The following RYR1 variants were observed in gnomAD, a reference collection of about 807,000 sequenced individuals.
RYR1 encodes the protein ryanodine receptor 1.
In RYR1, 342 loss-of-function variants were observed where a neutral mutation model predicts 583.5. The ratio of observed to expected loss-of-function variants is 0.59; its 90% CI spans 0.54 to 0.64. The LOEUF (loss-of-function observed/expected upper bound fraction) is 0.64, where lower values mean the gene tolerates loss of function less well. RYR1 is among the 30% of genes least tolerant of loss of function. RYR1 has a pLI of 0.00. For missense variants in RYR1, 6,032 were observed against 6,917.2 expected, an observed-to-expected ratio of 0.87 and a Z score of 4.54; for synonymous variants, 2,791 against 2,822.5, an observed-to-expected ratio of 0.99 and a Z score of 0.35.
At chr19:38,535,268 G>A (rs201880331) in intron 80 of RYR1, 48 bp downstream of exon 80, 5 of 1,613,076 alleles carry the variant, frequency 3.1e-6, no homozygotes, top group Non-Finnish European at 4.2e-6. Context: ...GGGATGAGAG[G>A]TTCCTGTGTG....
chr19:38,482,233 GC>G (rs1257427037), intron 31 of RYR1, among the ~76,000 whole-genome samples: 1 of 152,144 alleles, frequency 6.6e-6, no homozygotes. Context: ...GTTTCCCATA[GC>G]CTGGATCTGG....
At chr19:38,467,887 C>T in intron 25 of RYR1, 75 bp downstream of exon 25, 3 of 1,411,784 alleles carry the variant, frequency 2.1e-6, no homozygotes, top group Non-Finnish European at 2.9e-6. Flanking sequence ...GGCCCTGCCT[C>T]TGTCTGTGCC....
intron 73 of RYR1, 47 bp from the exon 74 acceptor site, chr19:38,528,259 G>A: frequency 6.6e-7 from 1 of 1,517,774 alleles, no homozygotes; most frequent in Non-Finnish European, 9.1e-7. Context: ...CTGGGAGTGA[G>A]AGGGGCAGGG....
chr19:38,449,567 C>T (rs1434085794), intron 11 of RYR1, among the ~76,000 whole-genome samples: 2 of 152,184 alleles, frequency 1.3e-5, no homozygotes, highest in Non-Finnish European at 2.9e-5. Context: ...ACTGAGTACC[C>T]GCGTTGTTCT....
intron 78 of RYR1, among the ~76,000 whole-genome samples, chr19:38,533,266 A>G (rs1971822726): frequency 6.6e-6 from 1 of 152,172 alleles, no homozygotes; most frequent in African/African-American, 2.4e-5. Context: ...GTAAACATGC[A>G]ATTCACCGAT....
At chr19:38,567,479 C>T (rs574082918) in intron 92 of RYR1, among the ~76,000 whole-genome samples, 54 of 152,150 alleles carry the variant, frequency 3.5e-4, no homozygotes, top group Non-Finnish European at 6.0e-4. Flanking sequence ...CACCTGACCC[C>T]CTCCTAAGTT....
intron 29 of RYR1, among the ~76,000 whole-genome samples, chr19:38,475,903 C>A (rs1478944795): frequency 6.6e-6 from 1 of 152,272 alleles, no homozygotes; most frequent in Admixed American, 6.5e-5. Context: ...TGCTCCCCAA[C>A]TATTTTGGCA....
In RYR1 at chr19:38,546,460, G is replaced by C; in HGVS notation, c.12028G>C (p.Glu4010Gln). 1 of 1,613,828 alleles carries C rather than the reference G, an allele frequency of 6.2e-7. No individual in the cohort carries two copies. The highest frequency in any genetic ancestry group is 8.5e-7 in the Non-Finnish European group (1 of 1,179,926). The change falls in exon 88 of 106, where the codon GAG becomes CAG. Residue 4010 changes from glutamate (E) to glutamine (Q), a missense_variant. Coordinates refer to ENST00000359596, the MANE Select transcript of RYR1 (RefSeq NM_000540.3). ...MKLAQDSSQI[E>Q]LLKELLDLQK... ...GGATCTCTAGGACTCAAGCCAGATC[G>C]AGCTGCTGAAGGAGCTGCTGGATCT...
chr19:38,538,208 G>A (rs1972057345), intron 84 of RYR1, among the ~76,000 whole-genome samples: 1 of 152,076 alleles, frequency 6.6e-6, no homozygotes, highest in Admixed American at 6.6e-5. Flanking sequence ...GACCAGCCTG[G>A]CCAACATGGT....
intron 83 of RYR1, chr19:38,537,024 G>A: frequency 1.7e-6 from 1 of 587,498 alleles, no homozygotes; most frequent in Non-Finnish European, 3.1e-6. Flanking sequence ...CCCCATGTGT[G>A]AAGCAGAAGC....
chr19:38,440,842 T>C lies in RYR1; in HGVS notation c.143T>C (p.Leu48Pro), dbSNP rs1234313279. Reference sequence around the variant, plus strand: ...GGCTTCGGCAACCGCCTGTGCTTCCTGGAGCCCACTAGCAACGCGCAGGTC... The same window carrying C: ...GGCTTCGGCAACCGCCTGTGCTTCCCGGAGCCCACTAGCAACGCGCAGGTC... ...AEGFGNRLCFLEPTSNAQNVP... is the reference protein window; with the variant it reads ...AEGFGNRLCFPEPTSNAQNVP... The change falls in exon 2 of 106, where the codon CTG becomes CCG. Residue 48 changes from leucine (L) to proline (P), a missense_variant. Around this residue, in one of 11 missense-constraint regions of RYR1, gnomAD observed 71 missense variants for 75.3 expected, o/e 0.94. Transcript: ENST00000359596. 2 of 1,611,824 alleles carry C rather than the reference T, an allele frequency of 1.2e-6. No individual in the cohort carries two copies. The highest frequency in any genetic ancestry group is 1.7e-6 in the Non-Finnish European group (2 of 1,179,636).
rs142945289 is a variant in RYR1, at chr19:38,468,844, C to T, written c.3382-122C>T. 509 of 1,019,834 alleles carry T rather than the reference C, an allele frequency of 5.0e-4. 3 individuals carry two copies. Among genetic ancestry groups the T allele is most frequent in the African/African-American group, 3.7e-3 (231 of 63,104 alleles). The allele number at this position is 1,019,834 out of a possible 1,614,324, so 63.2% of individuals were successfully genotyped here. On this transcript the variant is annotated intron_variant, in intron 25 of 105. Coordinates refer to ENST00000359596, the MANE Select transcript of RYR1 (RefSeq NM_000540.3). ...CTGTGGGGTGACCCCTCTTCCATAC[C>T]ACCTGCCCTGAACCTGACACTTCGA...
In RYR1 at chr19:38,519,321, G is replaced by A. The variant is rs370078496; in HGVS notation, c.10126G>A (p.Glu3376Lys). 5.0e-6 allele frequency: 8 copies of A among 1,613,756 alleles called. No individual in the cohort carries two copies. Among genetic ancestry groups the A allele is most frequent in the Non-Finnish European group, 6.8e-6 (8 of 1,179,868 alleles). ...GAGGGCAGGGAAGGTGGTGTCCGAGGAGGAGCAGCTGCGCCTGGAGGCCAA... is the reference window on the plus strand; with the variant it reads ...GAGGGCAGGGAAGGTGGTGTCCGAGAAGGAGCAGCTGCGCCTGGAGGCCAA... ...RKRAGKVVSEEEQLRLEAKAE... is the reference protein window; with the variant it reads ...RKRAGKVVSEKEQLRLEAKAE... The change falls in exon 67 of 106, where the codon GAG (glutamate) becomes AAG (lysine). Residue 3376 changes from glutamate to lysine, a missense_variant. Glu to Lys is a moderately conservative substitution (Grantham distance 56). Around this residue, in one of 11 missense-constraint regions of RYR1, gnomAD observed 1,493 missense variants for 1,715.5 expected, o/e 0.87. Coordinates refer to ENST00000359596, the MANE Select transcript of RYR1 (RefSeq NM_000540.3).
chr19:38,511,934 G>A (rs1471073380), intron 61 of RYR1, 138 bp from the exon 62 acceptor site: 1 of 1,030,590 alleles, frequency 9.7e-7, no homozygotes, highest in Non-Finnish European at 1.5e-6. Context: ...AGGAGTCTGG[G>A]GGGGTGGGGG....
chr19:38,436,910 C>G (rs1027939495), intron 1 of RYR1, among the ~76,000 whole-genome samples: 1 of 152,030 alleles, frequency 6.6e-6, no homozygotes, highest in African/African-American at 2.4e-5. Context: ...AACCCTGGCC[C>G]AAGTTAGAAG....
rs781635609 is a variant in RYR1 at position 38,510,629 on chromosome 19, G to T, written c.9001-31G>T. Reference sequence around the variant, plus strand: ...TCATAGGCTCTCCCCACCCCTCATTGGACCCTTTATCTCCCCCAACCCGTC... The same window carrying T: ...TCATAGGCTCTCCCCACCCCTCATTTGACCCTTTATCTCCCCCAACCCGTC... On this transcript the variant is annotated intron_variant, in intron 59 of 105. Transcript: ENST00000359596. The T allele has an allele frequency of 4.3e-6, 7 of 1,613,518 alleles. No homozygotes were observed. The South Asian group carries it at 5.5e-5, about 13-fold the overall frequency.
At position 38,565,639 on chromosome 19, in the gene RYR1, C is replaced by A; in HGVS notation, c.13305C>A (p.Asp4435Glu). The A allele has an allele frequency of 7.2e-7, 1 of 1,393,124 alleles. No homozygotes were observed. Among genetic ancestry groups the A allele is most frequent in the Non-Finnish European group, 9.2e-7 (1 of 1,084,416 alleles). The allele number at this position is 1,393,124 out of a possible 1,614,324, so 86.3% of individuals were successfully genotyped here. ...AVHEAGPGGA[D>E]GAVAVTDGGP... ...ACGAGGCCGGGCCGGGCGGTGCCGA[C>A]GGGGCGGTGGCCGTGACCGATGGGG... Residue 4435 changes from aspartate to glutamate, a missense_variant, in exon 91 of 106, where the codon GAC (aspartate) becomes GAA (glutamate). Around this residue, in one of 11 missense-constraint regions of RYR1, gnomAD observed 753 missense variants for 759.6 expected, o/e 0.99. Transcript: ENST00000359596. The surrounding 1 kb of genome is among the most constrained non-coding windows in gnomAD (Gnocchi z 4.7).
rs1227672628 is a variant in RYR1, at chr19:38,561,058, G to A, written c.12283-55G>A. On this transcript the variant is annotated intron_variant, in intron 89 of 105. Transcript: ENST00000359596. The surrounding 1 kb of genome is among the most constrained non-coding windows in gnomAD (Gnocchi z 4.8). ...CTTGTCTTAAAAAAAAAAAAAAAAAGAGAGAGAATTGAGGCTCTCCAGGTC... is the reference window on the plus strand; with the variant it reads ...CTTGTCTTAAAAAAAAAAAAAAAAAAAGAGAGAATTGAGGCTCTCCAGGTC... 7.0e-5 allele frequency: 81 copies of A among 1,159,814 alleles called. No individual in the cohort carries two copies. The highest frequency in any genetic ancestry group is 2.4e-4 in the Middle Eastern group (1 of 4,138). The allele number at this position is 1,159,814 out of a possible 1,614,324, so 71.8% of individuals were successfully genotyped here. A position where few individuals can be genotyped will look rare whatever the true frequency, so the allele number is the denominator to read the frequency against.
At chr19:38,450,448 GA>G (rs1422815456) in intron 11 of RYR1, among the ~76,000 whole-genome samples, 1 of 152,284 alleles carries the variant, frequency 6.6e-6, no homozygotes, top group Admixed American at 6.5e-5. Flanking sequence ...CAGCCACAGA[GA>G]ACAAGGACGC....
Sources: gnomAD v4.1 joint callset for allele counts (sites outside exome capture counted in the v4.1 genomes callset) on GRCh38, gnomAD v4.1.1 for gene constraint, gnomAD v4.1.1 regional missense constraint, Gnocchi (gnomAD v3.1) non-coding constraint, MANE v1.5 for transcripts, NCBI Gene and HGNC (gene_info 2026-07-23, HGNC 2026-07-21) for gene names.